Variants in LMBR1 observed in about 807,000 individuals in gnomAD.
The protein encoded by LMBR1 is limb region 1 protein homolog.
In LMBR1, 52 loss-of-function variants were observed where a neutral mutation model predicts 73.9. The observed-to-expected ratio is 0.70, with a 90% CI of 0.56 to 0.89. LMBR1 has a LOEUF of 0.89. Among genes scored for constraint, LMBR1 ranks in the 40% least tolerant of loss-of-function variants. The pLI is 0.00. For missense variants in LMBR1, 539 were observed against 579.8 expected (o/e 0.93, Z 0.72); for synonymous variants, 215 against 209.4 (o/e 1.03, Z -0.23).
At chr7:156,772,230 T>C (rs10267083) in intron 5 of LMBR1, among the ~76,000 whole-genome samples, 32,374 of 151,952 alleles carry the variant, frequency 0.21, 4,478 homozygotes, top group African/African-American at 0.4. Flanking sequence ...GCCAAGATCG[T>C]ACCACTGCAC....
chr7:156,833,433 G>A (rs989894090), intron 3 of LMBR1: 2 of 289,150 alleles, frequency 6.9e-6, no homozygotes, highest in Non-Finnish European at 1.3e-5. Context: ...CTCGGTTCAA[G>A]AGCATCATAG....
intron 5 of LMBR1, among the ~76,000 whole-genome samples, chr7:156,776,318 CCATCTA>C (rs1022060597): frequency 2.0e-5 from 3 of 152,046 alleles, no homozygotes; most frequent in African/African-American, 7.2e-5. Context: ...TTGTTCCCGA[CCATCTA>C]CAAACCTATA....
chr7:156,800,302 C>T (rs910054608), intron 4 of LMBR1, among the ~76,000 whole-genome samples: 5 of 152,116 alleles, frequency 3.3e-5, no homozygotes, highest in African/African-American at 1.2e-4. Flanking sequence ...CAGAAAGTGA[C>T]TTTAAGTTGA....
chr7:156,808,250 T>C (rs191648425), intron 4 of LMBR1, among the ~76,000 whole-genome samples: 1 of 152,168 alleles, frequency 6.6e-6, no homozygotes, highest in South Asian at 2.1e-4. Flanking sequence ...ACTTTCCGTT[T>C]TTGCTTCATG....
Position 156,893,169 on chromosome 7 carries a change from C to T in LMBR1, c.-176G>A, listed in dbSNP as rs886062124. 2.0e-3 allele frequency: 998 copies of T among 495,508 alleles called. 1 individual carries two copies. The highest frequency in any genetic ancestry group is 2.7e-3 in the Non-Finnish European group (847 of 313,844). 30.7% of individuals were successfully genotyped at this position (495,508 alleles called of 1,614,324 possible). A position where few individuals can be genotyped will look rare whatever the true frequency, so the allele number is the denominator to read the frequency against. ...CGGCCGTCGCCTCAGCAGCCTCAGA[C>T]GAGCAGCTCTGACTAAGGGAGGGCG... On this transcript the variant is annotated 5_prime_UTR_variant, in exon 1 of 17. Transcript: ENST00000353442.
chr7:156,816,720 A>G (rs1833972896), intron 4 of LMBR1, among the ~76,000 whole-genome samples: 1 of 152,230 alleles, frequency 6.6e-6, no homozygotes, highest in African/African-American at 2.4e-5. Flanking sequence ...TAGACATAAT[A>G]ATGTATCTAA....
At chr7:156,877,262 T>C (rs1474028123) in intron 1 of LMBR1, among the ~76,000 whole-genome samples, 1 of 151,798 alleles carries the variant, frequency 6.6e-6, no homozygotes, top group Non-Finnish European at 1.5e-5. Context: ...AATGGTAATT[T>C]TAAAAATTAC....
chr7:156,772,349 A>G (rs754126437), intron 5 of LMBR1, among the ~76,000 whole-genome samples: 126 of 152,220 alleles, frequency 8.3e-4, no homozygotes, highest in Non-Finnish European at 1.4e-3. Flanking sequence ...TTCATGTTAA[A>G]AACTCTCAAC....
chr7:156,874,137 C>T (rs1799779229), intron 1 of LMBR1, among the ~76,000 whole-genome samples: 2 of 152,242 alleles, frequency 1.3e-5, no homozygotes, highest in African/African-American at 4.8e-5. Context: ...CTGCAGGTCC[C>T]GAGCCCCACC....
chr7:156,807,024 G>A (rs868168450), intron 4 of LMBR1, among the ~76,000 whole-genome samples: 3 of 139,676 alleles, frequency 2.1e-5, no homozygotes, highest in Non-Finnish European at 3.1e-5. Context: ...GTATTGTTAC[G>A]ACCATATGAC....
rs542844255 is a variant in LMBR1 at position 156,777,013 on chromosome 7, G to T, written c.424-13218C>A. 1.3e-4 allele frequency among the ~76,000 whole-genome samples: 20 copies of T among 151,336 alleles called. No homozygotes were observed. The East Asian group carries it at 3.5e-3, about 27-fold the overall frequency. Reference sequence around the variant, plus strand: ...GTGGCACGATCTCGGCTCACCGCAAGCTCCGCTTCCTGGGTTCACGCCACT... The same window carrying T: ...GTGGCACGATCTCGGCTCACCGCAATCTCCGCTTCCTGGGTTCACGCCACT... On this transcript the variant is annotated intron_variant, in intron 5 of 16. Transcript: ENST00000353442.
At chr7:156,802,534 T>C (rs1288595732) in intron 4 of LMBR1, among the ~76,000 whole-genome samples, 1 of 152,206 alleles carries the variant, frequency 6.6e-6, no homozygotes, top group Non-Finnish European at 1.5e-5. Context: ...AGTCTCAGAA[T>C]TAATTCTCAA....
intron 5 of LMBR1, among the ~76,000 whole-genome samples, chr7:156,771,184 C>T (rs369697421): frequency 5.3e-5 from 8 of 151,864 alleles, no homozygotes; most frequent in East Asian, 1.9e-4. Context: ...AAAACAAGAG[C>T]AAACCAACCC....
chr7:156,707,679 G>A (rs746827142), intron 15 of LMBR1, among the ~76,000 whole-genome samples: 4 of 152,148 alleles, frequency 2.6e-5, no homozygotes, highest in South Asian at 2.1e-4. Flanking sequence ...CCTTCATGAC[G>A]AAAGCCCTCC....
At chr7:156,816,996 A>C (rs894192909) in intron 4 of LMBR1, among the ~76,000 whole-genome samples, 4 of 152,136 alleles carry the variant, frequency 2.6e-5, no homozygotes, top group Non-Finnish European at 4.4e-5. Flanking sequence ...TAGTAGTCAA[A>C]CCCTAAAAAA....
At chr7:156,700,275 A>G (rs1317102870) in intron 15 of LMBR1, among the ~76,000 whole-genome samples, 3 of 152,210 alleles carry the variant, frequency 2.0e-5, no homozygotes, top group African/African-American at 7.2e-5. Flanking sequence ...CATCATTCTC[A>G]GCAAACTATT....
At chr7:156,725,116 A>C (rs1815462361) in intron 14 of LMBR1, among the ~76,000 whole-genome samples, 1 of 152,180 alleles carries the variant, frequency 6.6e-6, no homozygotes, top group Non-Finnish European at 1.5e-5. Flanking sequence ...AGCTCCCTGA[A>C]GTACAGTTAG....
At chr7:156,858,951 C>T (rs1406372630) in intron 1 of LMBR1, among the ~76,000 whole-genome samples, 1 of 152,106 alleles carries the variant, frequency 6.6e-6, no homozygotes, top group Non-Finnish European at 1.5e-5. Context: ...TAACATCATA[C>T]TTAATGATTA....
chr7:156,718,803 C>T (rs957425958), intron 15 of LMBR1, among the ~76,000 whole-genome samples: 4 of 151,812 alleles, frequency 2.6e-5, no homozygotes, highest in African/African-American at 4.8e-5. Context: ...AAATTAGACC[C>T]TTACGATCAT....
Sources: gnomAD v4.1 joint callset for allele counts (sites outside exome capture counted in the v4.1 genomes callset) on GRCh38, gnomAD v4.1.1 for gene constraint, MANE v1.5 for transcripts, NCBI Gene and HGNC (gene_info 2026-07-23, HGNC 2026-07-21) for gene names.